The following NAMPT variants were observed in gnomAD, a reference collection of about 807,000 sequenced individuals.
NAMPT encodes the protein nicotinamide phosphoribosyltransferase.
Under a neutral mutation model 58.7 loss-of-function variants are expected in NAMPT, and 7 were observed. The observed-to-expected ratio is 0.12, with a 90% CI of 0.07 to 0.22. The LOEUF (loss-of-function observed/expected upper bound fraction) is 0.22. Among genes scored for constraint, NAMPT ranks in the 10% least tolerant of loss-of-function variants. NAMPT has a pLI of 1.00. For synonymous variants in NAMPT, 145 were observed against 198.1 expected (o/e 0.73, Z 2.25); for missense variants, 271 against 567.9 (o/e 0.48, Z 5.31).
chr7:106,258,028 T>C (rs3801269), intron 8 of NAMPT, among the ~76,000 whole-genome samples: 94,411 of 152,108 alleles, frequency 0.62, 29,776 homozygotes, highest in East Asian at 0.89. Flanking sequence ...ATTAGGTGTG[T>C]CAGCTGAGAT....
chr7:106,283,812 T>C (rs952469464), intron 1 of NAMPT, among the ~76,000 whole-genome samples: 8 of 152,148 alleles, frequency 5.3e-5, no homozygotes, highest in Admixed American at 6.5e-5. Context: ...TCTAAAATAC[T>C]TTCTCGGAAT....
In NAMPT at chr7:106,264,879, G is replaced by T. The variant is rs530484256; in HGVS notation, c.744-1262C>A. ...AATAATCACTTTATACAATGTGTGTGTGTGTTTTTTTTTTTAAAGGACTAG... is the reference window on the plus strand; with the variant it reads ...AATAATCACTTTATACAATGTGTGTTTGTGTTTTTTTTTTTAAAGGACTAG... On this transcript the variant is annotated intron_variant, in intron 6 of 10. Coordinates refer to ENST00000222553, the MANE Select transcript of NAMPT (RefSeq NM_005746.3). 2.4e-3 allele frequency among the ~76,000 whole-genome samples: 365 copies of T among 151,562 alleles called. 2 individuals carry two copies. The highest frequency in any genetic ancestry group is 8.5e-3 in the African/African-American group (352 of 41,388).
intron 4 of NAMPT, 133 bp from the exon 5 acceptor site, chr7:106,269,445 C>A (rs1287371268): frequency 3.9e-6 from 3 of 770,040 alleles, no homozygotes; most frequent in Non-Finnish European, 6.1e-6. Context: ...CAGAACTGCG[C>A]AGCAGGATGC....
At position 106,268,503 on chromosome 7, in the gene NAMPT, T is replaced by G. The variant is rs1305532666; in HGVS notation, c.704A>C (p.Asp235Ala). 1.9e-6 allele frequency: 3 copies of G among 1,613,862 alleles called. No homozygotes were observed. The highest frequency in any genetic ancestry group is 2.5e-6 in the Non-Finnish European group (3 of 1,179,912). ...TGGAACAGAATAGCCTGGAACAGGA[T>G]CTTTCGTTCCATAATATTTTTTAAT... is the stretch of plus-strand genomic sequence containing the variant. ...ALIKKYYGTK[D>A]PVPGYSVPAA... The change falls in exon 6 of 11, where the codon GAT (aspartate) becomes GCT (alanine). Residue 235 changes from aspartate (D) to alanine (A), a missense_variant. Coordinates refer to ENST00000222553, the MANE Select transcript of NAMPT (RefSeq NM_005746.3).
intron 1 of NAMPT, among the ~76,000 whole-genome samples, chr7:106,277,761 C>A (rs1314730162): frequency 6.6e-6 from 1 of 152,146 alleles, no homozygotes; most frequent in Non-Finnish European, 1.5e-5. Flanking sequence ...AAATCACCCA[C>A]CTAACTGGAA....
At chr7:106,251,320 A>G in intron 10 of NAMPT, 127 bp from the exon 11 acceptor site, 2 of 648,688 alleles carry the variant, frequency 3.1e-6, no homozygotes, top group South Asian at 3.6e-5. Context: ...TTGTGAGATG[A>G]TTTGATGCAT....
intron 9 of NAMPT, among the ~76,000 whole-genome samples, chr7:106,254,039 T>C (rs1792151616): frequency 6.6e-6 from 1 of 152,068 alleles, no homozygotes; most frequent in African/African-American, 2.4e-5. Flanking sequence ...TAATATATGA[T>C]GGCTAGGTAA....
intron 6 of NAMPT, 99 bp downstream of exon 6, chr7:106,268,365 C>A: frequency 9.6e-7 from 1 of 1,037,750 alleles, no homozygotes. Context: ...TGAAGATGTA[C>A]TGTAGGTACC....
intron 10 of NAMPT, among the ~76,000 whole-genome samples, chr7:106,251,562 AAAG>A (rs1792104432): frequency 6.6e-6 from 1 of 152,064 alleles, no homozygotes; most frequent in Admixed American, 6.6e-5. Context: ...GTGCAGCAAA[AAAG>A]CCTGGTAAAC....
At position 106,250,847 on chromosome 7, in the gene NAMPT, C is replaced by T; in HGVS notation, c.*236G>A. 1 of 476,378 alleles carries T rather than the reference C, an allele frequency of 2.1e-6. No homozygotes were observed. Among genetic ancestry groups the T allele is most frequent in the Non-Finnish European group, 3.7e-6 (1 of 270,878 alleles). 29.5% of individuals were successfully genotyped at this position (476,378 alleles called of 1,614,324 possible). ...AAAAGATCAATACCAGATTGAATGA[C>T]TACCTATTGGCAAAGGGCCCTAAAA... On this transcript the variant is annotated 3_prime_UTR_variant, in exon 11 of 11. Transcript: ENST00000222553.
intron 8 of NAMPT, among the ~76,000 whole-genome samples, chr7:106,256,296 A>G (rs3801270): frequency 0.51 from 77,277 of 152,150 alleles, 22,523 homozygotes; most frequent in East Asian, 0.89. Flanking sequence ...TTTGGTACAC[A>G]GTGCAAAGTG....
intron 8 of NAMPT, among the ~76,000 whole-genome samples, chr7:106,257,373 T>TG (rs1792220547): frequency 6.6e-6 from 1 of 151,384 alleles, no homozygotes; most frequent in African/African-American, 2.4e-5. Context: ...TCTCAGCACT[T>TG]TAGGAGGCCT....
In NAMPT at chr7:106,277,276, A is replaced by G. The variant is rs141135737; in HGVS notation, c.58-97T>C. ...AAGTTATTTCAAAACCAGAGAAACTATATTTCTTGTTTGCTATTAACCAGT... is the reference window on the plus strand; with the variant it reads ...AAGTTATTTCAAAACCAGAGAAACTGTATTTCTTGTTTGCTATTAACCAGT... On this transcript the variant is annotated intron_variant, in intron 1 of 10. Transcript: ENST00000222553. 6.2e-4 allele frequency: 651 copies of G among 1,044,592 alleles called. 5 individuals carry two copies. The African/African-American group carries it at 9.4e-3, about 15-fold the overall frequency. The allele number at this position is 1,044,592 out of a possible 1,614,324, so 64.7% of individuals were successfully genotyped here. A position where few individuals can be genotyped will look rare whatever the true frequency, so the allele number is the denominator to read the frequency against.
At chr7:106,260,110 A>C (rs762234807) in intron 8 of NAMPT, among the ~76,000 whole-genome samples, 3 of 152,242 alleles carry the variant, frequency 2.0e-5, no homozygotes, top group Non-Finnish European at 2.9e-5. Flanking sequence ...GAGAGTTAGC[A>C]TGTCCTTTCA....
intron 9 of NAMPT, 74 bp downstream of exon 9, chr7:106,254,290 T>C: frequency 6.6e-7 from 1 of 1,526,658 alleles, no homozygotes; most frequent in Non-Finnish European, 9.0e-7. Context: ...CTTTGACAAA[T>C]GCACTCAATA....
At chr7:106,271,083 A>C (rs1341015906) in intron 4 of NAMPT, among the ~76,000 whole-genome samples, 1 of 139,364 alleles carries the variant, frequency 7.2e-6, no homozygotes, top group African/African-American at 2.4e-5. Flanking sequence ...ATTCTAAAAC[A>C]AGTTTTTTTT....
intron 1 of NAMPT, among the ~76,000 whole-genome samples, chr7:106,281,859 T>G (rs1490048245): frequency 6.6e-6 from 1 of 152,166 alleles, no homozygotes; most frequent in Non-Finnish European, 1.5e-5. Flanking sequence ...TTGTATCTCT[T>G]TTGCCACACC....
At chr7:106,274,065 G>A (rs1792587807) in intron 3 of NAMPT, among the ~76,000 whole-genome samples, 1 of 150,388 alleles carries the variant, frequency 6.6e-6, no homozygotes. Flanking sequence ...CTATTACCAT[G>A]TCTTTGAGTG....
rs1191482566 is a variant in NAMPT at position 106,249,052 on chromosome 7, A to G, written c.*2031T>C. The G allele has an allele frequency of 6.6e-6, 1 of 152,092 alleles. No homozygotes were observed. Among genetic ancestry groups the G allele is most frequent in the African/African-American group, 2.4e-5 (1 of 41,398 alleles). The allele number at this position is 152,092 out of a possible 1,614,324, so 9.4% of individuals were successfully genotyped here. A position where few individuals can be genotyped will look rare whatever the true frequency, so the allele number is the denominator to read the frequency against. On this transcript the variant is annotated 3_prime_UTR_variant, in exon 11 of 11. Transcript: ENST00000222553. ...CTATAATTTCAATGTTTAAACACAA[A>G]ATTATGGGTGATTATCAAAACTATT... is the stretch of plus-strand genomic sequence containing the variant.
Sources: gnomAD v4.1 joint callset for allele counts (sites outside exome capture counted in the v4.1 genomes callset) on GRCh38, gnomAD v4.1.1 for gene constraint, MANE v1.5 for transcripts, NCBI Gene and HGNC (gene_info 2026-07-23, HGNC 2026-07-21) for gene names.